The following DCP1B variants were observed in gnomAD, a reference collection of about 807,000 sequenced individuals.
DCP1B encodes the protein decapping mRNA 1B.
A neutral mutation model predicts 60.5 loss-of-function variants in DCP1B; 47 were observed. The observed-to-expected ratio is 0.78, with a 90% CI of 0.61 to 0.99. The LOEUF is 0.99. Among genes scored for constraint, DCP1B ranks in the 50% least tolerant of loss-of-function variants. The pLI is 0.00. For missense variants in DCP1B, 725 were observed against 756.8 expected, an observed-to-expected ratio of 0.96 and a Z score of 0.49; for synonymous variants, 267 against 280.3, an observed-to-expected ratio of 0.95 and a Z score of 0.47.
In DCP1B at chr12:1,966,542, G is replaced by A. The variant is rs142696555; in HGVS notation, c.387-849C>T. Among the ~76,000 whole-genome samples, 245 of 152,232 alleles carry A rather than the reference G, an allele frequency of 1.6e-3. 1 individual carries two copies. The highest frequency in any genetic ancestry group is 0.011 in the South Asian group (53 of 4,816). On this transcript the variant is annotated intron_variant, in intron 4 of 8. Coordinates refer to ENST00000280665, the MANE Select transcript of DCP1B (RefSeq NM_152640.5). ...CTTAATTCTAACTGGGGAGGGGGTC[G>A]GAATCCACACAATCAGCTGCTTATT... is the stretch of plus-strand genomic sequence containing the variant.
chr12:1,967,960 A>G, intron 3 of DCP1B, 50 bp from the exon 4 acceptor site: 1 of 1,457,012 alleles, frequency 6.9e-7, no homozygotes. Flanking sequence ...AAAACTACAA[A>G]ATAGAAAAAA....
At chr12:1,949,493 C>A (rs1403320199) in intron 7 of DCP1B, among the ~76,000 whole-genome samples, 159 bp from the exon 8 acceptor site, 1 of 152,230 alleles carries the variant, frequency 6.6e-6, no homozygotes, top group East Asian at 1.9e-4. Flanking sequence ...CTGCTCCATG[C>A]ACCTTCCTTC....
At chr12:1,975,525 T>A (rs867252564) in intron 3 of DCP1B, among the ~76,000 whole-genome samples, 1 of 152,236 alleles carries the variant, frequency 6.6e-6, no homozygotes, top group African/African-American at 2.4e-5. Context: ...GCTTTCCTTA[T>A]TAAGCATTTA....
chr12:2,003,018 T>G (rs1363338812), intron 1 of DCP1B, among the ~76,000 whole-genome samples: 1 of 152,226 alleles, frequency 6.6e-6, no homozygotes, highest in Non-Finnish European at 1.5e-5. Context: ...AGAACGAATA[T>G]TAAAGAGCTC....
intron 8 of DCP1B, among the ~76,000 whole-genome samples, chr12:1,947,222 GT>G (rs1385627846): frequency 1.3e-5 from 2 of 152,170 alleles, no homozygotes; most frequent in East Asian, 3.9e-4. Context: ...TTTTCCTCAT[GT>G]TTTAATTCTA....
chr12:1,946,385 A>ACACT (rs2030424448), intron 8 of DCP1B, 99 bp from the exon 9 acceptor site: 1 of 814,434 alleles, frequency 1.2e-6, no homozygotes, highest in Admixed American at 3.3e-5. Context: ...GGATACTGAG[A>ACACT]CACTCATCTC....
At chr12:1,986,311 C>T (rs180825341) in intron 3 of DCP1B, among the ~76,000 whole-genome samples, 3 of 152,348 alleles carry the variant, frequency 2.0e-5, no homozygotes, top group East Asian at 1.9e-4. Flanking sequence ...ATCCAGCTCC[C>T]TCCTCTAGAA....
chr12:1,991,550 C>G, intron 3 of DCP1B: 1 of 225,772 alleles, frequency 4.4e-6, no homozygotes, highest in Non-Finnish European at 8.7e-6. Flanking sequence ...AGGTTTTTTC[C>G]TTTTTTTTTT....
At chr12:1,992,994 C>T in intron 3 of DCP1B, 1 of 620,140 alleles carries the variant, frequency 1.6e-6, no homozygotes, top group South Asian at 2.0e-5. Context: ...GGCTTAAGAT[C>T]AGCAATGGGT....
rs555864963 is a variant in DCP1B at position 1,959,952 on chromosome 12, T to A, written c.523-4392A>T. ...TCCAGCTTGGGTGACAGAGCAAGAC[T>A]CCGTCTCAAAAAAAAAAAAAAAAAT... On this transcript the variant is annotated intron_variant, in intron 5 of 8. Coordinates refer to ENST00000280665, the MANE Select transcript of DCP1B (RefSeq NM_152640.5). Among the ~76,000 whole-genome samples, 35 of 120,010 alleles carry A rather than the reference T, an allele frequency of 2.9e-4. 2 individuals are homozygous for A. In the East Asian group the frequency reaches 8.8e-3, roughly 30 times the overall value. 78.7% of individuals were successfully genotyped at this position (120,010 alleles called of 152,430 possible).
intron 4 of DCP1B, among the ~76,000 whole-genome samples, chr12:1,966,684 T>A (rs1024120689): frequency 9.2e-5 from 14 of 152,234 alleles, no homozygotes; most frequent in Non-Finnish European, 1.3e-4. Flanking sequence ...TATGAAATCC[T>A]GTTATTATTA....
chr12:1,970,849 G>A (rs1464124820), intron 3 of DCP1B: 2 of 289,982 alleles, frequency 6.9e-6, no homozygotes, highest in South Asian at 3.2e-5. Context: ...AAGTAAGAAG[G>A]TGTTTTGTTT....
chr12:1,955,692 A>C (rs1261169866), intron 5 of DCP1B, 132 bp from the exon 6 acceptor site: 3 of 1,057,990 alleles, frequency 2.8e-6, no homozygotes, highest in South Asian at 3.9e-5. Flanking sequence ...ACAAAGGAAA[A>C]TCCCTTAAAT....
At chr12:2,000,059 C>G (rs1382976552) in intron 1 of DCP1B, among the ~76,000 whole-genome samples, 1 of 152,152 alleles carries the variant, frequency 6.6e-6, no homozygotes, top group Non-Finnish European at 1.5e-5. Context: ...ACCCAAACCA[C>G]CAAAGTATTA....
At chr12:1,982,524 T>C (rs1470437568) in intron 3 of DCP1B, among the ~76,000 whole-genome samples, 1 of 129,900 alleles carries the variant, frequency 7.7e-6, no homozygotes, top group East Asian at 2.3e-4. Flanking sequence ...TCAAGGTTCA[T>C]TCACGTTGTA....
intron 5 of DCP1B, among the ~76,000 whole-genome samples, chr12:1,964,239 A>G (rs947424668): frequency 1.3e-5 from 2 of 152,048 alleles, no homozygotes; most frequent in Admixed American, 1.3e-4. Context: ...CATTTATTTC[A>G]GCTAGTTTCC....
intron 7 of DCP1B, among the ~76,000 whole-genome samples, chr12:1,952,094 T>C (rs1022582099): frequency 6.6e-6 from 1 of 152,222 alleles, no homozygotes; most frequent in Non-Finnish European, 1.5e-5. Context: ...CAAACAGAAA[T>C]GTACGTGACA....
At chr12:1,942,442 T>C (rs1386111995), downstream of DCP1B, among the ~76,000 whole-genome samples, 3 of 152,218 alleles carry the variant, frequency 2.0e-5, no homozygotes, top group African/African-American at 4.8e-5. Context: ...CAAATGAACC[T>C]AACAGACATC....
chr12:1,968,984 T>C (rs1044470631), intron 3 of DCP1B, among the ~76,000 whole-genome samples: 3 of 152,218 alleles, frequency 2.0e-5, no homozygotes, highest in Non-Finnish European at 4.4e-5. Flanking sequence ...AAATATCTAG[T>C]TGAGGATCTG....
Sources: allele counts gnomAD v4.1 joint callset (sites outside exome capture counted in the v4.1 genomes callset), GRCh38; gene constraint gnomAD v4.1.1; transcripts MANE v1.5; gene names NCBI Gene and HGNC (gene_info 2026-07-23, HGNC 2026-07-21).